Variants in MARCHF2 observed in about 807,000 individuals in gnomAD.
MARCHF2 encodes membrane associated ring-CH-type finger 2.
MARCHF2 carries 22 observed loss-of-function variants against 24.0 expected under a neutral mutation model. The observed-to-expected ratio is 0.92, with a 90% CI of 0.66 to 1.31. The LOEUF (loss-of-function observed/expected upper bound fraction) is 1.31. Ranked by LOEUF, MARCHF2 falls within the 50% of genes most tolerant of loss-of-function variation. The pLI is 0.00. For synonymous variants in MARCHF2, 154 were observed against 153.0 expected, an observed-to-expected ratio of 1.01 and a Z score of -0.05; for missense variants, 301 against 335.3, an observed-to-expected ratio of 0.90 and a Z score of 0.80.
intron 1 of MARCHF2, among the ~76,000 whole-genome samples, chr19:8,416,056 C>T (rs977370808): frequency 2.0e-5 from 3 of 151,894 alleles, no homozygotes; most frequent in African/African-American, 4.8e-5. Flanking sequence ...GAAATGACTA[C>T]AACATGGCCA....
At position 8,421,862 on chromosome 19, in the gene MARCHF2, C is replaced by T. The variant is rs1371889437; in HGVS notation, c.22C>T (p.His8Tyr). 6.2e-7 allele frequency: 1 copy of T among 1,611,350 alleles called. No homozygotes were observed. Residue 8 changes from histidine to tyrosine, a missense_variant, in exon 2 of 5, where the codon CAC becomes TAC. By Grantham distance (83) the His-to-Tyr change is moderately conservative. Coordinates refer to ENST00000215555, the MANE Select transcript of MARCHF2 (RefSeq NM_001005415.2). ...GGCCATGACGACGGGTGACTGCTGC[C>T]ACCTCCCCGGCTCCCTGTGTGACTG... MTTGDCC[H>Y]LPGSLCDCSG...
chr19:8,434,647 G>C (rs1409748415), intron 4 of MARCHF2, among the ~76,000 whole-genome samples: 1 of 152,022 alleles, frequency 6.6e-6, no homozygotes, highest in African/African-American at 2.4e-5. Flanking sequence ...CTTTGGGACT[G>C]TCCATGCAAA....
chr19:8,422,609 T>C (rs1343531938), intron 2 of MARCHF2, among the ~76,000 whole-genome samples: 2 of 151,714 alleles, frequency 1.3e-5, no homozygotes, highest in African/African-American at 4.8e-5. Flanking sequence ...GCCAGGCTGG[T>C]CTCAAACTCC....
At chr19:8,428,271 T>C (rs988116298) in intron 3 of MARCHF2, among the ~76,000 whole-genome samples, 2 of 132,690 alleles carry the variant, frequency 1.5e-5, no homozygotes, top group Non-Finnish European at 3.2e-5. Context: ...AAAAAAAAAA[T>C]TAGCCAGGTA....
At position 8,438,557 on chromosome 19, in the gene MARCHF2, C is replaced by T. The variant is rs1967794477; in HGVS notation, c.*11C>T. 3.7e-6 allele frequency: 6 copies of T among 1,613,330 alleles called. No individual in the cohort carries two copies. Among genetic ancestry groups the T allele is most frequent in the East Asian group, 2.2e-5 (1 of 44,860 alleles). On this transcript the variant is annotated 3_prime_UTR_variant, in exon 5 of 5. Transcript: ENST00000215555. ...GAGACACCAGTATGAATGCTGGGCT[C>T]TCCGGACCCTGCAGCAGAGAGGCCA...
rs777071097 is a variant in MARCHF2 at position 8,430,747 on chromosome 19, C to T, written c.462C>T (p.Ile154=). 13 of 1,611,738 alleles carry T rather than the reference C, an allele frequency of 8.1e-6. No individual in the cohort carries two copies. Among genetic ancestry groups the T allele is most frequent in the Non-Finnish European group, 1.1e-5 (13 of 1,180,022 alleles). ...CFLFITPLAA[I]SGWLCLRGAQ... ...TGTTCATCACACCGCTGGCCGCCAT[C>T]TCAGGCTGGTTGTGCCTGCGCGGGG... Residue 154 remains isoleucine (I), a synonymous_variant, in exon 4 of 5, where the codon ATC becomes ATT. Transcript: ENST00000215555. The surrounding 1 kb of genome is among the most constrained non-coding windows in gnomAD (Gnocchi z 4.4).
At position 8,421,777 on chromosome 19, in the gene MARCHF2, G is replaced by A. The variant is rs886394087; in HGVS notation, c.-52-12G>A. 2.7e-6 allele frequency: 4 copies of A among 1,491,002 alleles called. No homozygotes were observed. The African/African-American group carries it at 5.6e-5, about 21-fold the overall frequency. The allele number at this position is 1,491,002 out of a possible 1,614,324, so 92.4% of individuals were successfully genotyped here. A position where few individuals can be genotyped will look rare whatever the true frequency, so the allele number is the denominator to read the frequency against. Reference sequence around the variant, plus strand: ...AACCTTGCCCCTAACCTCCGCACTGGCCTGTTCCCAGGCTCCTGGAACCAT... The same window carrying A: ...AACCTTGCCCCTAACCTCCGCACTGACCTGTTCCCAGGCTCCTGGAACCAT... On this transcript the variant is annotated splice_polypyrimidine_tract_variant and intron_variant, in intron 1 of 4. Transcript: ENST00000215555.
intron 2 of MARCHF2, chr19:8,423,499 T>G: frequency 6.6e-6 from 1 of 151,926 alleles, no homozygotes; most frequent in East Asian, 1.9e-4. Flanking sequence ...TTTTGTTAAC[T>G]TTGTTTGTGT....
At chr19:8,417,336 C>T (rs1049468369) in intron 1 of MARCHF2, among the ~76,000 whole-genome samples, 14 of 152,250 alleles carry the variant, frequency 9.2e-5, no homozygotes, top group Middle Eastern at 3.4e-3. Flanking sequence ...CCCAGCTACT[C>T]GACAGGCTGA....
In MARCHF2 at chr19:8,426,821, G is replaced by A; in HGVS notation, c.372+17G>A. 2.5e-6 allele frequency: 4 copies of A among 1,609,332 alleles called. No homozygotes were observed. Among genetic ancestry groups the A allele is most frequent in the Non-Finnish European group, 3.4e-6 (4 of 1,178,042 alleles). On this transcript the variant is annotated intron_variant, in intron 3 of 4. Coordinates refer to ENST00000215555, the MANE Select transcript of MARCHF2 (RefSeq NM_001005415.2). ...CTCACAGAGGTACCCTTAAGAGTCT[G>A]AGACTGCGGTGGGCAGTGGGGAGAG...
chr19:8,428,355 G>A (rs1967469879), intron 3 of MARCHF2, among the ~76,000 whole-genome samples: 1 of 150,986 alleles, frequency 6.6e-6, no homozygotes, highest in Non-Finnish European at 1.5e-5. Flanking sequence ...TAGGGAGGCT[G>A]AGGCAGGAGA....
intron 3 of MARCHF2, among the ~76,000 whole-genome samples, chr19:8,427,063 T>A (rs955808900): frequency 2.6e-5 from 4 of 152,110 alleles, no homozygotes; most frequent in Non-Finnish European, 4.4e-5. Flanking sequence ...CTTCTTCTTT[T>A]TTTTGAGACA....
intron 2 of MARCHF2, among the ~76,000 whole-genome samples, chr19:8,425,274 C>A (rs1266225416): frequency 6.6e-6 from 1 of 151,434 alleles, no homozygotes; most frequent in Non-Finnish European, 1.5e-5. Flanking sequence ...CTCAGCTACT[C>A]GGGAGGCTGA....
At chr19:8,434,327 A>G (rs1599716822) in intron 4 of MARCHF2, among the ~76,000 whole-genome samples, 1 of 151,632 alleles carries the variant, frequency 6.6e-6, no homozygotes, top group South Asian at 2.1e-4. Context: ...TCAGGTATCC[A>G]CCCACCTTGG....
chr19:8,428,581 C>T (rs560351370), intron 3 of MARCHF2, among the ~76,000 whole-genome samples: 53 of 125,272 alleles, frequency 4.2e-4, no homozygotes, highest in East Asian at 2.1e-3. Context: ...AGCTGGGAGG[C>T]GGAGTTTGCA....
chr19:8,419,000 C>A (rs1483467189), intron 1 of MARCHF2, among the ~76,000 whole-genome samples: 1 of 152,004 alleles, frequency 6.6e-6, no homozygotes, highest in African/African-American at 2.4e-5. Flanking sequence ...AACAGAGATC[C>A]TTGGCTCCAG....
chr19:8,428,989 A>G (rs1016180373), intron 3 of MARCHF2, among the ~76,000 whole-genome samples: 4 of 141,904 alleles, frequency 2.8e-5, no homozygotes, highest in Admixed American at 6.7e-5. Context: ...TAGGAGCCAG[A>G]GTGTAGGGAG....
intron 2 of MARCHF2, among the ~76,000 whole-genome samples, chr19:8,424,107 G>A (rs1020853632): frequency 3.9e-5 from 6 of 152,090 alleles, no homozygotes; most frequent in Non-Finnish European, 8.8e-5. Flanking sequence ...AGAAATGTTT[G>A]GGAAACAGTG....
chr19:8,422,935 C>T (rs1173230935), intron 2 of MARCHF2, among the ~76,000 whole-genome samples: 1 of 143,948 alleles, frequency 6.9e-6, no homozygotes, highest in Non-Finnish European at 1.5e-5. Flanking sequence ...GATCTCTTGA[C>T]CTCATAATCC....
Sources: allele counts gnomAD v4.1 joint callset (sites outside exome capture counted in the v4.1 genomes callset), GRCh38; gene constraint gnomAD v4.1.1; non-coding constraint Gnocchi (gnomAD v3.1); transcripts MANE v1.5; gene names NCBI Gene and HGNC (gene_info 2026-07-23, HGNC 2026-07-21).